The following NEB variants were observed in gnomAD, a reference collection of about 807,000 sequenced individuals.
NEB encodes nebulin.
In NEB, 512 loss-of-function variants were observed where a neutral mutation model predicts 952.2. The ratio of observed to expected loss-of-function variants is 0.54; its 90% CI spans 0.50 to 0.58. NEB has a LOEUF of 0.58. NEB is among the 20% of genes least tolerant of loss of function. NEB has a pLI of 0.00. For missense variants in NEB, 8,428 were observed against 9,231.1 expected (o/e 0.91, Z 3.56); for synonymous variants, 2,900 against 3,149.8 (o/e 0.92, Z 2.66).
At chr2:151,694,656 T>C (rs1207690210) in intron 18 of NEB, 27 bp from the exon 19 acceptor site, 63 of 1,543,484 alleles carry the variant, frequency 4.1e-5, no homozygotes, top group Non-Finnish European at 5.4e-5. Context: ...AGCAAAGGAA[T>C]TGGCAAAAGT....
intron 13 of NEB, among the ~76,000 whole-genome samples, chr2:151,704,401 C>T (rs2099693626): frequency 6.8e-6 from 1 of 148,080 alleles, no homozygotes; most frequent in Non-Finnish European, 1.5e-5. Context: ...GTTCGAGCTT[C>T]CCGGCTGCTT....
At chr2:151,501,299 T>TTGA (rs1390489996) in intron 168 of NEB, 92 bp downstream of exon 168, 2 of 834,388 alleles carry the variant, frequency 2.4e-6, no homozygotes, top group Non-Finnish European at 3.8e-6. Context: ...TTTTGTTAAA[T>TTGA]TGATTATTAT....
In NEB at chr2:151,665,448, C is replaced by T. The variant is rs971655417; in HGVS notation, c.5123G>A (p.Gly1708Glu). The change falls in exon 42 of 182, where the codon GGA becomes GAA. Residue 1708 changes from glycine to glutamate, a missense_variant. Around this residue, in one of 11 missense-constraint regions of NEB, gnomAD observed 2,851 missense variants for 2,791.5 expected, o/e 1.02. Transcript: ENST00000397345. ...ATACTTCTTCTCACTAAGAATCTCT[C>T]CTGCTTTCTTTGCCTTCTCCACCTC... ...SLEVEKAKKA[G>E]EILSEKKYRQ... The T allele has an allele frequency of 1.2e-6, 2 of 1,613,460 alleles. No homozygotes were observed. The highest frequency in any genetic ancestry group is 1.3e-5 in the African/African-American group (1 of 74,904).
chr2:151,612,202 G>A lies in NEB; in HGVS notation c.11789C>T (p.Ala3930Val), dbSNP rs775411317. The change falls in exon 78 of 182, where the codon GCC becomes GTC. Residue 3930 changes from alanine (A) to valine (V), a missense_variant. Transcript: ENST00000397345. ...TPEIVLAKNNALTMSKHLYTE... is the reference protein window; with the variant it reads ...TPEIVLAKNNVLTMSKHLYTE... ...GAGACTCACCTTGCTCATTGTCAGGGCATTATTCTTTGCTAGGACAATTTC... is the reference window on the plus strand; with the variant it reads ...GAGACTCACCTTGCTCATTGTCAGGACATTATTCTTTGCTAGGACAATTTC... 25 of 1,613,576 alleles carry A rather than the reference G, an allele frequency of 1.5e-5. No homozygotes were observed. Among genetic ancestry groups the A allele is most frequent in the Non-Finnish European group, 2.0e-5 (24 of 1,179,640 alleles).
chr2:151,723,548 G>A, intron 8 of NEB, 62 bp from the exon 9 acceptor site: 1 of 1,198,928 alleles, frequency 8.3e-7, no homozygotes, highest in Non-Finnish European at 1.2e-6. Flanking sequence ...AAAATACATA[G>A]TTTTGAATTC....
chr2:151,694,701 T>A, intron 18 of NEB, 72 bp from the exon 19 acceptor site: 2 of 1,103,848 alleles, frequency 1.8e-6, no homozygotes, highest in Non-Finnish European at 1.3e-6. Context: ...GACTAGTGGG[T>A]AACTAAATAC....
chr2:151,518,342 T>C lies in NEB; in HGVS notation c.22776A>G (p.Lys7592=), dbSNP rs757671458. Residue 7592 remains lysine (K), a synonymous_variant, in exon 156 of 182, where the codon AAA becomes AAG. Transcript: ENST00000397345. ...CTATACTCTGTAATTCTGTGGCCTC[T>C]TTTAGGTGAAGCTGCTCCAGATTAT... is the stretch of plus-strand genomic sequence containing the variant. The part of the protein sequence containing the change: ...IPDNLEQLHL[K]EATELQSIVK... 8.6e-5 allele frequency: 139 copies of C among 1,609,644 alleles called. No homozygotes were observed. Among genetic ancestry groups the C allele is most frequent in the Non-Finnish European group, 1.2e-4 (136 of 1,176,104 alleles).
At chr2:151,535,876 AATT>A (rs2093077740) in intron 141 of NEB, 81 bp from the exon 142 acceptor site, 1 of 718,796 alleles carries the variant, frequency 1.4e-6, no homozygotes, top group Non-Finnish European at 2.3e-6. Flanking sequence ...CATATGATAT[AATT>A]GTGATAATTA....
In NEB at chr2:151,644,991, G is replaced by A. The variant is rs181837533; in HGVS notation, c.7537-416C>T. On this transcript the variant is annotated intron_variant, in intron 55 of 181. Coordinates refer to ENST00000397345, the MANE Select transcript of NEB (RefSeq NM_001164508.2). ...GTAGAGCATGTTAGTGTAGGCCACT[G>A]TAACACAATGGGAAGTATTAATATT... 1.2e-3 allele frequency among the ~76,000 whole-genome samples: 187 copies of A among 152,270 alleles called. 1 individual carries two copies. The highest frequency in any genetic ancestry group is 2.3e-3 in the Non-Finnish European group (154 of 68,010).
chr2:151,562,841 G>C, intron 119 of NEB, 33 bp from the exon 120 acceptor site: 1 of 1,434,124 alleles, frequency 7.0e-7, no homozygotes. Flanking sequence ...ATAAGAAAGG[G>C]GTTTAAATGT....
intron 107 of NEB, among the ~76,000 whole-genome samples, chr2:151,572,615 A>G (rs1290336813): frequency 6.8e-6 from 1 of 147,264 alleles, no homozygotes; most frequent in African/African-American, 2.5e-5. Flanking sequence ...GCACGATCTC[A>G]GCTCACTGCA....
At chr2:151,665,250 A>C in intron 42 of NEB, 83 bp downstream of exon 42, 1 of 1,277,632 alleles carries the variant, frequency 7.8e-7, no homozygotes, top group Non-Finnish European at 1.1e-6. Flanking sequence ...GAAACACTGT[A>C]GGAGACGATT....
chr2:151,504,890 A>G (rs1030874619), intron 165 of NEB, among the ~76,000 whole-genome samples: 2 of 152,030 alleles, frequency 1.3e-5, no homozygotes, highest in Non-Finnish European at 2.9e-5. Context: ...TGTATAATAT[A>G]CCATTGTAGG....
intron 64 of NEB, among the ~76,000 whole-genome samples, chr2:151,634,565 C>T (rs2098721402): frequency 6.6e-6 from 1 of 151,944 alleles, no homozygotes; most frequent in African/African-American, 2.4e-5. Context: ...TGGCATGAAC[C>T]CAGGAGGCAG....
At chr2:151,697,009 T>C (rs748306872) in intron 16 of NEB, 139 bp downstream of exon 16, 75 of 658,728 alleles carry the variant, frequency 1.1e-4, no homozygotes, top group Non-Finnish European at 1.8e-4. Context: ...GAAAATAGGA[T>C]GTTTACTACA....
intron 156 of NEB, among the ~76,000 whole-genome samples, chr2:151,517,208 A>ATAACATGTGG (rs1179923287): frequency 6.6e-6 from 1 of 152,230 alleles, no homozygotes; most frequent in Non-Finnish European, 1.5e-5. Context: ...TCTCATCCTC[A>ATAACATGTGG]TAACATGTGG....
chr2:151,552,808 G>T, intron 127 of NEB, 32 bp from the exon 128 acceptor site: 1 of 1,523,532 alleles, frequency 6.6e-7, no homozygotes, highest in Non-Finnish European at 9.0e-7. Flanking sequence ...GCCCATGTTG[G>T]ACCATTCCTT....
At chr2:151,549,596 C>G (rs781207042) in intron 130 of NEB, 40 bp downstream of exon 130, 27 of 1,342,810 alleles carry the variant, frequency 2.0e-5, no homozygotes, top group Non-Finnish European at 2.7e-5. Context: ...TCCTGCCACC[C>G]CACCTTCAGA....
Position 151,709,761 on chromosome 2 carries a change from C to G in NEB, c.930G>C (p.Arg310Ser). 1.3e-6 allele frequency: 2 copies of G among 1,588,190 alleles called. No homozygotes were observed. Among genetic ancestry groups the G allele is most frequent in the Admixed American group, 1.8e-5 (1 of 56,634 alleles). Residue 310 changes from arginine (R) to serine (S), a missense_variant and splice_region_variant, in exon 12 of 182, where the codon AGG (arginine) becomes AGC (serine). Arg to Ser is a moderately radical substitution (Grantham distance 110, BLOSUM62 -1). Coordinates refer to ENST00000397345, the MANE Select transcript of NEB (RefSeq NM_001164508.2). ...ARMNADNISTRKYQEDFENMK... is the reference protein window; with the variant it reads ...ARMNADNISTSKYQEDFENMK... ...TGTTTTCAAAATCTTCCTGGTATTT[C>G]CTCTGTAAGACATCAGACAAGCTGA...
Sources: allele counts gnomAD v4.1 joint callset (sites outside exome capture counted in the v4.1 genomes callset), GRCh38; gene constraint gnomAD v4.1.1; regional missense constraint gnomAD v4.1.1; transcripts MANE v1.5; gene names NCBI Gene and HGNC (gene_info 2026-07-23, HGNC 2026-07-21).